The following ERBB4 variants were observed in gnomAD, a reference collection of about 807,000 sequenced individuals.
The protein encoded by ERBB4 is receptor tyrosine-protein kinase erbB-4.
In ERBB4, 42 loss-of-function variants were observed where a neutral mutation model predicts 158.0. The ratio of observed to expected loss-of-function variants is 0.27; its 90% CI spans 0.21 to 0.34. The LOEUF (loss-of-function observed/expected upper bound fraction) is 0.34, where lower values mean the gene tolerates loss of function less well. ERBB4 is among the 10% of genes least tolerant of loss of function. ERBB4 has a pLI of 1.00. For missense variants in ERBB4, 1,333 were observed against 1,624.1 expected (o/e 0.82, Z 3.08); for synonymous variants, 583 against 558.7 (o/e 1.04, Z -0.61).
chr2:212,141,460 C>T (rs1182130484), intron 1 of ERBB4, among the ~76,000 whole-genome samples: 3 of 152,128 alleles, frequency 2.0e-5, no homozygotes, highest in African/African-American at 4.8e-5. Flanking sequence ...TACAAATAGG[C>T]TTCAGTCAAG....
intron 19 of ERBB4, among the ~76,000 whole-genome samples, chr2:211,593,350 T>G (rs991463190): frequency 6.6e-6 from 1 of 152,134 alleles, no homozygotes; most frequent in Middle Eastern, 3.2e-3. Context: ...AGTGGAAACG[T>G]TGAGTGTAAC....
chr2:211,533,780 CT>C (rs1160593963), intron 20 of ERBB4, among the ~76,000 whole-genome samples: 7 of 152,040 alleles, frequency 4.6e-5, no homozygotes, highest in African/African-American at 1.7e-4. Context: ...TTTGTATTTT[CT>C]TTTAAATTCA....
intron 25 of ERBB4, among the ~76,000 whole-genome samples, chr2:211,404,492 A>G (rs774399463): frequency 3.3e-5 from 5 of 152,126 alleles, no homozygotes; most frequent in African/African-American, 4.8e-5. Flanking sequence ...AAGTACCTCA[A>G]TGTCCCTCAA....
chr2:212,249,710 T>C (rs1426754904), intron 1 of ERBB4, among the ~76,000 whole-genome samples: 1 of 152,052 alleles, frequency 6.6e-6, no homozygotes, highest in Non-Finnish European at 1.5e-5. Flanking sequence ...TCTATATTTG[T>C]AAAATTCTAG....
Position 211,431,702 on chromosome 2 carries a change from T to A in ERBB4, c.2488-602A>T, listed in dbSNP as rs1465750049. ...AACCTGTAATTTTTAAGAAGACTTC[T>A]ATGGTATCAGTAGTCATTATGAGAA... On this transcript the variant is annotated intron_variant, in intron 20 of 27. Transcript: ENST00000342788. 2.0e-5 allele frequency among the ~76,000 whole-genome samples: 3 copies of A among 152,188 alleles called. No homozygotes were observed. In the East Asian group the frequency reaches 5.8e-4, roughly 29 times the overall value.
chr2:212,119,607 G>T (rs1480106753), intron 2 of ERBB4, among the ~76,000 whole-genome samples: 1 of 152,118 alleles, frequency 6.6e-6, no homozygotes, highest in Admixed American at 6.6e-5. Context: ...TCTTAACCTT[G>T]TGATGGTGAT....
At chr2:211,439,068 G>T (rs2063918206) in intron 20 of ERBB4, among the ~76,000 whole-genome samples, 1 of 151,862 alleles carries the variant, frequency 6.6e-6, no homozygotes, top group African/African-American at 2.4e-5. Flanking sequence ...GTGGTGGGCT[G>T]CCCAGAAACC....
chr2:211,810,033 G>A (rs1026716000), intron 3 of ERBB4, among the ~76,000 whole-genome samples: 2 of 152,208 alleles, frequency 1.3e-5, no homozygotes, highest in Non-Finnish European at 2.9e-5. Flanking sequence ...GTACTAATAT[G>A]ATTGCACTGT....
intron 20 of ERBB4, among the ~76,000 whole-genome samples, chr2:211,475,024 G>C (rs2064920229): frequency 6.6e-6 from 1 of 152,028 alleles, no homozygotes; most frequent in Non-Finnish European, 1.5e-5. Context: ...GAAAATTTAA[G>C]AGGAGGGATG....
At chr2:211,784,011 T>C (rs1401525182) in intron 4 of ERBB4, among the ~76,000 whole-genome samples, 1 of 152,178 alleles carries the variant, frequency 6.6e-6, no homozygotes, top group Non-Finnish European at 1.5e-5. Flanking sequence ...GACTTTTTCA[T>C]TGGTAGGCTA....
intron 1 of ERBB4, among the ~76,000 whole-genome samples, chr2:212,247,414 T>G (rs2084350853): frequency 6.6e-6 from 1 of 152,186 alleles, no homozygotes; most frequent in Admixed American, 6.5e-5. Context: ...ATTTCTAAAG[T>G]TTTCCCCCTG....
chr2:212,001,855 A>G (rs1266307307), intron 2 of ERBB4, among the ~76,000 whole-genome samples: 1 of 152,222 alleles, frequency 6.6e-6, no homozygotes, highest in African/African-American at 2.4e-5. Context: ...CTCTACAGCC[A>G]GTCTCAGAAA....
intron 5 of ERBB4, among the ~76,000 whole-genome samples, chr2:211,747,996 T>C (rs1397104718): frequency 6.6e-6 from 1 of 151,890 alleles, no homozygotes; most frequent in East Asian, 1.9e-4. Context: ...CTATATTACT[T>C]ATAATGCATA....
chr2:212,510,687 C>G (rs1020219590), intron 1 of ERBB4, among the ~76,000 whole-genome samples: 1 of 151,970 alleles, frequency 6.6e-6, no homozygotes, highest in African/African-American at 2.4e-5. Flanking sequence ...GTACATTATA[C>G]TTATCTGATT....
chr2:211,485,110 G>A (rs1279973451), intron 20 of ERBB4, among the ~76,000 whole-genome samples: 5 of 152,114 alleles, frequency 3.3e-5, no homozygotes, highest in Non-Finnish European at 5.9e-5. Flanking sequence ...GATATAAGGA[G>A]AGATAAGAGA....
chr2:212,025,144 G>A (rs1274594753), intron 2 of ERBB4, among the ~76,000 whole-genome samples: 2 of 151,850 alleles, frequency 1.3e-5, no homozygotes, highest in East Asian at 1.9e-4. Context: ...ACTGGTACAC[G>A]GTAACTCCTT....
rs116329971 is a variant in ERBB4 at position 211,400,285 on chromosome 2, G to A, written c.3136-12293C>T. On this transcript the variant is annotated intron_variant, in intron 25 of 27. Coordinates refer to ENST00000342788, the MANE Select transcript of ERBB4 (RefSeq NM_005235.3). The stretch of plus-strand genomic sequence containing the variant: ...AAATATCTTTGAATAGAATAACATA[G>A]TAGATAAATGTGCAACAGGCTTTTT... Among the ~76,000 whole-genome samples, 657 of 152,210 alleles carry A rather than the reference G, an allele frequency of 4.3e-3. 10 individuals are homozygous for A. The highest frequency in any genetic ancestry group is 0.015 in the African/African-American group (638 of 41,556).
intron 3 of ERBB4, among the ~76,000 whole-genome samples, chr2:211,820,683 T>C (rs2076976413): frequency 6.6e-6 from 1 of 151,302 alleles, no homozygotes; most frequent in African/African-American, 2.4e-5. Flanking sequence ...ACACACAAAA[T>C]CACACCAAAA....
chr2:211,933,763 G>A (rs1575399278), intron 3 of ERBB4, among the ~76,000 whole-genome samples: 1 of 152,054 alleles, frequency 6.6e-6, no homozygotes, highest in East Asian at 1.9e-4. Context: ...TGAGAGAGGG[G>A]TTAGACGATC....
Sources: allele counts gnomAD v4.1 joint callset (sites outside exome capture counted in the v4.1 genomes callset), GRCh38; gene constraint gnomAD v4.1.1; transcripts MANE v1.5; gene names NCBI Gene and HGNC (gene_info 2026-07-23, HGNC 2026-07-21).